Variants in SLC25A21 observed in about 807,000 individuals in gnomAD.
The protein encoded by SLC25A21 is mitochondrial 2-oxodicarboxylate carrier.
Under a neutral mutation model 43.8 loss-of-function variants are expected in SLC25A21, and 47 were observed. The observed-to-expected ratio is 1.07, with a 90% confidence interval of 0.85 to 1.37. The LOEUF (loss-of-function observed/expected upper bound fraction) is 1.37. Among genes scored for constraint, SLC25A21 ranks in the 40% most tolerant of loss-of-function variants. SLC25A21 has a pLI of 0.00. For missense variants in SLC25A21, 352 were observed against 350.2 expected (o/e 1.00, Z -0.04); for synonymous variants, 131 against 121.3 (o/e 1.08, Z -0.52).
chr14:37,056,792 T>C (rs1226443643), intron 1 of SLC25A21, among the ~76,000 whole-genome samples: 1 of 152,190 alleles, frequency 6.6e-6, no homozygotes, highest in African/African-American at 2.4e-5. Context: ...TCCATATCCA[T>C]CACACCTTTC....
At position 37,172,486 on chromosome 14, in the gene SLC25A21, C is replaced by T; in HGVS notation, c.-136G>A. 2 of 908,934 alleles carry T rather than the reference C, an allele frequency of 2.2e-6. No homozygotes were observed. The highest frequency in any genetic ancestry group is 3.6e-6 in the Non-Finnish European group (2 of 562,002). 56.3% of individuals were successfully genotyped at this position (908,934 alleles called of 1,614,324 possible). On this transcript the variant is annotated 5_prime_UTR_variant, in exon 1 of 10. Coordinates refer to ENST00000331299, the MANE Select transcript of SLC25A21 (RefSeq NM_030631.4). ...GGCTCCCTGTGGAGCAGCAATCCGG[C>T]GACTGCTGGAAAGCGAGGGTTCGAG...
intron 1 of SLC25A21, among the ~76,000 whole-genome samples, chr14:37,090,881 A>G (rs1422577842): frequency 6.6e-6 from 1 of 152,138 alleles, no homozygotes; most frequent in Non-Finnish European, 1.5e-5. Context: ...TGTGGTGGAA[A>G]CTGCATTAGC....
chr14:36,926,829 T>A (rs1326433443), intron 1 of SLC25A21, among the ~76,000 whole-genome samples: 4 of 152,138 alleles, frequency 2.6e-5, no homozygotes, highest in South Asian at 2.1e-4. Context: ...TCCAACTAAA[T>A]CTAAAGAGGG....
At chr14:37,052,672 T>A (rs1961734894) in intron 1 of SLC25A21, among the ~76,000 whole-genome samples, 1 of 151,810 alleles carries the variant, frequency 6.6e-6, no homozygotes. Context: ...AGAGTCTTAC[T>A]CTGTCTCCCA....
At chr14:36,681,977 TG>T (rs1882287991) in intron 9 of SLC25A21, among the ~76,000 whole-genome samples, 1 of 152,204 alleles carries the variant, frequency 6.6e-6, no homozygotes, top group African/African-American at 2.4e-5. Context: ...TATGCAGAGT[TG>T]GGTTAGTTTT....
At position 37,061,935 on chromosome 14, in the gene SLC25A21, C is replaced by G. The variant is rs554344608; in HGVS notation, c.70+110346G>C. Among the ~76,000 whole-genome samples the G allele has an allele frequency of 2.0e-5, 3 of 152,280 alleles. No homozygotes were observed. In the East Asian group the frequency reaches 5.8e-4, roughly 30 times the overall value. On this transcript the variant is annotated intron_variant, in intron 1 of 9. Coordinates refer to ENST00000331299, the MANE Select transcript of SLC25A21 (RefSeq NM_030631.4). Reference sequence around the variant, plus strand: ...TTCAGAATGACCGCCTAAGGGGAGGCCACCTCCAAAAGTAGACTTAAAGCA... The same window carrying G: ...TTCAGAATGACCGCCTAAGGGGAGGGCACCTCCAAAAGTAGACTTAAAGCA...
intron 3 of SLC25A21, among the ~76,000 whole-genome samples, chr14:36,740,800 G>T (rs1885223028): frequency 6.6e-6 from 1 of 152,130 alleles, no homozygotes; most frequent in Admixed American, 6.5e-5. Flanking sequence ...AACCCTCAAA[G>T]ATGCCTTCTT....
chr14:37,076,754 G>C lies in SLC25A21; in HGVS notation c.70+95527C>G, dbSNP rs544477803. On this transcript the variant is annotated intron_variant, in intron 1 of 9. Coordinates refer to ENST00000331299, the MANE Select transcript of SLC25A21 (RefSeq NM_030631.4). ...CCACCTCGGCCTCCCAAATTGCTGG[G>C]ACTACAGGCGTGAGCCACTGCACCT... is the stretch of plus-strand genomic sequence containing the variant. Among the ~76,000 whole-genome samples, 122 of 152,264 alleles carry C rather than the reference G, an allele frequency of 8.0e-4. No individual in the cohort carries two copies. In the Middle Eastern group the frequency reaches 0.01, roughly 13 times the overall value.
At chr14:37,141,015 G>A (rs1461577590) in intron 1 of SLC25A21, among the ~76,000 whole-genome samples, 1 of 152,144 alleles carries the variant, frequency 6.6e-6, no homozygotes, top group Admixed American at 6.5e-5. Flanking sequence ...GCGTGGTGGT[G>A]CAGGCTTGTA....
chr14:36,871,859 A>C (rs1463614604), intron 2 of SLC25A21, among the ~76,000 whole-genome samples: 3 of 152,124 alleles, frequency 2.0e-5, no homozygotes, highest in Non-Finnish European at 2.9e-5. Flanking sequence ...ATTTTAAAAA[A>C]TTTAGTATAG....
intron 1 of SLC25A21, among the ~76,000 whole-genome samples, chr14:37,037,254 C>T (rs1482721280): frequency 6.6e-6 from 1 of 152,196 alleles, no homozygotes; most frequent in African/African-American, 2.4e-5. Flanking sequence ...CCTTCCTCGG[C>T]AGAATTTCTA....
At chr14:36,771,526 C>T (rs568572898) in intron 3 of SLC25A21, among the ~76,000 whole-genome samples, 3 of 152,184 alleles carry the variant, frequency 2.0e-5, no homozygotes, top group Admixed American at 6.5e-5. Context: ...TCATGGGTGA[C>T]GCAAGGACTC....
At chr14:36,897,350 A>T (rs1207984342) in intron 1 of SLC25A21, among the ~76,000 whole-genome samples, 1 of 152,102 alleles carries the variant, frequency 6.6e-6, no homozygotes, top group South Asian at 2.1e-4. Context: ...AGGCTTGTGC[A>T]TTCGTCATGT....
rs546139583 is a variant in SLC25A21 at position 36,704,094 on chromosome 14, G to C, written c.603+7224C>G. 3.4e-3 allele frequency among the ~76,000 whole-genome samples: 513 copies of C among 152,170 alleles called. 1 individual carries two copies. The highest frequency in any genetic ancestry group is 5.7e-3 in the Non-Finnish European group (390 of 68,012). On this transcript the variant is annotated intron_variant, in intron 7 of 9. Transcript: ENST00000331299. ...TAGTCACTTATTCACCCTTCAATAGGAACAGCTAGCTCCTAAAAATAAATC... is the reference window on the plus strand; with the variant it reads ...TAGTCACTTATTCACCCTTCAATAGCAACAGCTAGCTCCTAAAAATAAATC...
chr14:37,097,039 T>G (rs1962710186), intron 1 of SLC25A21: 1 of 136,168 alleles, frequency 7.3e-6, no homozygotes, highest in East Asian at 2.0e-4. Flanking sequence ...GTTTTTTTTT[T>G]TTGTTTTTTT....
At chr14:37,076,747 T>C (rs1320129709) in intron 1 of SLC25A21, among the ~76,000 whole-genome samples, 3 of 152,016 alleles carry the variant, frequency 2.0e-5, no homozygotes, top group Admixed American at 6.6e-5. Flanking sequence ...GCCTCCCAAA[T>C]TGCTGGGACT....
At position 36,714,646 on chromosome 14, in the gene SLC25A21, C is replaced by T. The variant is rs554344457; in HGVS notation, c.439-3164G>A. Among the ~76,000 whole-genome samples the T allele has an allele frequency of 5.9e-5, 9 of 152,200 alleles. 1 individual carries two copies. Among genetic ancestry groups the T allele is most frequent in the African/African-American group, 1.9e-4 (8 of 41,448 alleles). The stretch of plus-strand genomic sequence containing the variant: ...CCAGCCTAGAAAACACATTTGTATA[C>T]GTGATCAGGTAGCTGGAACACAGGA... On this transcript the variant is annotated intron_variant, in intron 6 of 9. Transcript: ENST00000331299.
chr14:37,051,856 A>G (rs1434539437), intron 1 of SLC25A21, among the ~76,000 whole-genome samples: 1 of 152,202 alleles, frequency 6.6e-6, no homozygotes, highest in Admixed American at 6.5e-5. Context: ...ATCTCCCACC[A>G]GGGCCTTCCT....
chr14:37,158,253 C>A (rs755607114), intron 1 of SLC25A21, among the ~76,000 whole-genome samples: 3 of 152,100 alleles, frequency 2.0e-5, no homozygotes, highest in Non-Finnish European at 4.4e-5. Flanking sequence ...CACCCTGATA[C>A]CAAAACCAGA....
Sources: gnomAD v4.1 joint callset for allele counts (sites outside exome capture counted in the v4.1 genomes callset) on GRCh38, gnomAD v4.1.1 for gene constraint, MANE v1.5 for transcripts, NCBI Gene and HGNC (gene_info 2026-07-23, HGNC 2026-07-21) for gene names.